TEX30: variants seen among roughly 807,000 people sequenced by gnomAD.
TEX30 encodes the protein testis expressed 30.
TEX30 carries 14 observed loss-of-function variants against 23.8 expected under a neutral mutation model. The ratio of observed to expected loss-of-function variants is 0.59; its 90% CI spans 0.39 to 0.92. TEX30 has a LOEUF of 0.92. TEX30 is among the 40% of genes least tolerant of loss of function. The pLI is 0.00. For synonymous variants in TEX30, 78 were observed against 90.2 expected (o/e 0.87, Z 0.76); for missense variants, 246 against 270.6 (o/e 0.91, Z 0.64).
At chr13:102,771,209 T>C (rs1877295212) in intron 1 of TEX30, among the ~76,000 whole-genome samples, 1 of 152,138 alleles carries the variant, frequency 6.6e-6, no homozygotes. Flanking sequence ...TGTCAAAGGG[T>C]TTGTTCATAA....
Position 102,766,418 on chromosome 13 carries a change from C to T in TEX30, c.667G>A (p.Asp223Asn). Residue 223 changes from aspartate (D) to asparagine (N), a missense_variant, in exon 6 of 6, where the codon GAC (aspartate) becomes AAC (asparagine). Asp to Asn is a conservative substitution (Grantham distance 23, BLOSUM62 1). Transcript: ENST00000376032. ...LFWIQEITEM[D>N]KKCH ...GCTTTTAACTAATGACATTTCTTGT[C>T]CATTTCAGTAATTTCTTGGATCCAA... 1 of 1,613,420 alleles carries T rather than the reference C, an allele frequency of 6.2e-7. No homozygotes were observed. Among genetic ancestry groups the T allele is most frequent in the Non-Finnish European group, 8.5e-7 (1 of 1,179,672 alleles).
intron 1 of TEX30, chr13:102,770,796 AACCAACATCTG>A (rs1243315015): frequency 3.3e-5 from 5 of 152,336 alleles, no homozygotes; most frequent in East Asian, 3.9e-4. Flanking sequence ...AGACTAGTCT[AACCAACATCTG>A]ACCAACAGCT....
At chr13:102,769,110 T>A (rs76827603) in intron 3 of TEX30, among the ~76,000 whole-genome samples, 1 of 152,204 alleles carries the variant, frequency 6.6e-6, no homozygotes, top group Non-Finnish European at 1.5e-5. Flanking sequence ...ACATTTATGA[T>A]GTAAGCATTC....
chr13:102,772,356 A>C lies in TEX30; in HGVS notation c.-61+1326T>G, dbSNP rs149751243. Among the ~76,000 whole-genome samples, 446 of 152,218 alleles carry C rather than the reference A, an allele frequency of 2.9e-3. 2 individuals carry two copies. Among genetic ancestry groups the C allele is most frequent in the Middle Eastern group, 0.014 (4 of 294 alleles). On this transcript the variant is annotated intron_variant, in intron 1 of 5. Coordinates refer to ENST00000376032, the MANE Select transcript of TEX30 (RefSeq NM_138779.5). ...AGACGAGGGTCTCCCTATGTTTCGC[A>C]GGCTGGTCTTGAACTCCCGGGCTCA...
chr13:102,767,139 G>T (rs944794907), intron 5 of TEX30, 134 bp downstream of exon 5: 17 of 850,074 alleles, frequency 2.0e-5, no homozygotes, highest in Non-Finnish European at 2.8e-5. Flanking sequence ...AAGCAACAGA[G>T]TAACCAGGAC....
intron 5 of TEX30, 78 bp from the exon 6 acceptor site, chr13:102,766,658 C>T (rs1253451424): frequency 2.3e-6 from 3 of 1,332,612 alleles, no homozygotes; most frequent in Non-Finnish European, 2.0e-6. Context: ...CCTGCCTATA[C>T]TGGCATTCAT....
intron 4 of TEX30, among the ~76,000 whole-genome samples, chr13:102,767,777 GTGGTGCACACCT>G (rs1877010965): frequency 6.6e-6 from 1 of 152,084 alleles, no homozygotes; most frequent in Admixed American, 6.5e-5. Context: ...GCCAGGCATG[GTGGTGCACACCT>G]ATAGTCCCAG....
chr13:102,772,987 G>A (rs1877433430), intron 1 of TEX30, among the ~76,000 whole-genome samples: 1 of 152,240 alleles, frequency 6.6e-6, no homozygotes, highest in African/African-American at 2.4e-5. Flanking sequence ...CTGCGCCCAC[G>A]AAACGCCAGC....
At chr13:102,769,665 A>G (rs983023212) in intron 2 of TEX30, 124 bp from the exon 3 acceptor site, 10 of 643,114 alleles carry the variant, frequency 1.6e-5, no homozygotes, top group Non-Finnish European at 2.4e-5. Flanking sequence ...AATAAAAAGT[A>G]GTGATATTAA....
chr13:102,767,321 T>C lies in TEX30; in HGVS notation c.456A>G (p.Lys152=). The stretch of plus-strand genomic sequence containing the variant: ...AGCCTGACACAAACAGTACAGGCTC[T>C]TTTAAACGAAAGAGGTCTTCATCTC... ...KLRDEDLFRL[K]EPVLFVSGSA... Residue 152 remains lysine, a synonymous_variant, in exon 5 of 6, where the codon AAA becomes AAG. Transcript: ENST00000376032. 5 of 1,614,094 alleles carry C rather than the reference T, an allele frequency of 3.1e-6. No individual in the cohort carries two copies. The highest frequency in any genetic ancestry group is 4.2e-6 in the Non-Finnish European group (5 of 1,180,032).
At position 102,769,338 on chromosome 13, in the gene TEX30, A is replaced by G; in HGVS notation, c.219T>C (p.His73=). Residue 73 remains histidine, a synonymous_variant, in exon 3 of 6, where the codon CAT becomes CAC. Transcript: ENST00000376032. ...RFTCKGLNIV[H]RIKAYKSVLN... ...AAACTGATTTATACGCCTTAATTCT[A>G]TGTACAATATTAAGGCCTTTACAGG... is the stretch of plus-strand genomic sequence containing the variant. 1 of 1,555,460 alleles carries G rather than the reference A, an allele frequency of 6.4e-7. No individual in the cohort carries two copies. The highest frequency in any genetic ancestry group is 2.3e-5 in the East Asian group (1 of 43,402).
At chr13:102,768,132 G>A in intron 4 of TEX30, 128 bp downstream of exon 4, 1 of 718,286 alleles carries the variant, frequency 1.4e-6, no homozygotes, top group Non-Finnish European at 2.3e-6. Context: ...ACATTAAAAA[G>A]GTGACTTACC....
At chr13:102,769,755 A>G (rs1877185238) in intron 2 of TEX30, 1 of 535,688 alleles carries the variant, frequency 1.9e-6, no homozygotes, top group Admixed American at 3.8e-5. Context: ...TTTTCTAACA[A>G]TTCTGTGAGG....
At chr13:102,770,982 T>C (rs1877276497) in intron 1 of TEX30, 1 of 152,206 alleles carries the variant, frequency 6.6e-6, no homozygotes, top group African/African-American at 2.4e-5. Flanking sequence ...ATTCATTCAT[T>C]CAATAGGTAA....
intron 1 of TEX30, among the ~76,000 whole-genome samples, chr13:102,771,940 T>C (rs1475428040): frequency 1.3e-5 from 2 of 152,202 alleles, no homozygotes; most frequent in Middle Eastern, 3.2e-3. Context: ...AGTTTGAAGA[T>C]TCTGTGGTTA....
Position 102,767,385 on chromosome 13 carries a change from G to A in TEX30, c.392C>T (p.Ser131Phe), listed in dbSNP as rs1329487257. 6.2e-7 allele frequency: 1 copy of A among 1,614,126 alleles called. No homozygotes were observed. The highest frequency in any genetic ancestry group is 2.2e-5 in the East Asian group (1 of 44,874). ...CTGCTTTGGATGGTGCAGTGGGTAAGAAATACAAATGAGACCCCGAACAAA... is the reference window on the plus strand; with the variant it reads ...CTGCTTTGGATGGTGCAGTGGGTAAAAAATACAAATGAGACCCCGAACAAA... ...DDFVRGLICI[S>F]YPLHHPKQQH... Residue 131 changes from serine (S) to phenylalanine (F), a missense_variant, in exon 5 of 6, where the codon TCT becomes TTT. Transcript: ENST00000376032.
intron 2 of TEX30, 98 bp from the exon 3 acceptor site, chr13:102,769,639 C>T (rs1877174954): frequency 1.4e-6 from 1 of 710,186 alleles, no homozygotes; most frequent in Non-Finnish European, 2.3e-6. Flanking sequence ...GCTCATAATT[C>T]AAGTCATAGC....
chr13:102,771,451 C>G (rs192221584), intron 1 of TEX30, among the ~76,000 whole-genome samples: 1 of 152,208 alleles, frequency 6.6e-6, no homozygotes, highest in African/African-American at 2.4e-5. Context: ...ACAGAAGTTT[C>G]CACACACTCT....
intron 3 of TEX30, 43 bp from the exon 4 acceptor site, chr13:102,768,354 T>G (rs752524429): frequency 1.4e-6 from 2 of 1,427,140 alleles, no homozygotes; most frequent in Non-Finnish European, 1.9e-6. Flanking sequence ...CTATAAAATA[T>G]TCCACTGGAA....
Sources: gnomAD v4.1 joint callset for allele counts (sites outside exome capture counted in the v4.1 genomes callset) on GRCh38, gnomAD v4.1.1 for gene constraint, MANE v1.5 for transcripts, NCBI Gene and HGNC (gene_info 2026-07-23, HGNC 2026-07-21) for gene names.